The following TBC1D15 variants were observed in gnomAD, a reference collection of about 807,000 sequenced individuals.
TBC1D15 encodes the protein GAP for RAB7.
A neutral mutation model predicts 95.4 loss-of-function variants in TBC1D15; 39 were observed. The ratio of observed to expected loss-of-function variants is 0.41; its 90% CI spans 0.32 to 0.53. The LOEUF (loss-of-function observed/expected upper bound fraction) is 0.53. TBC1D15 is among the 20% of genes least tolerant of loss of function. The pLI, the probability that TBC1D15 is intolerant of heterozygous loss-of-function variation, is 0.29. For missense variants in TBC1D15, 733 were observed against 794.3 expected (o/e 0.92, Z 0.93); for synonymous variants, 258 against 261.3 (o/e 0.99, Z 0.12).
chr12:71,871,285 A>C (rs1172024567), intron 1 of TBC1D15, among the ~76,000 whole-genome samples: 1 of 152,134 alleles, frequency 6.6e-6, no homozygotes, highest in East Asian at 1.9e-4. Flanking sequence ...AGAAGCACTC[A>C]GTTAATATTG....
intron 1 of TBC1D15, among the ~76,000 whole-genome samples, chr12:71,846,160 T>C (rs1023197472): frequency 1.1e-4 from 17 of 152,214 alleles, no homozygotes; most frequent in Non-Finnish European, 2.5e-4. Context: ...TCACCAGAAC[T>C]CTTTTAATAA....
At chr12:71,878,241 T>G (rs1405619641) in intron 3 of TBC1D15, among the ~76,000 whole-genome samples, 2 of 150,544 alleles carry the variant, frequency 1.3e-5, no homozygotes, top group African/African-American at 4.9e-5. Context: ...TTGCTCATTG[T>G]GTTTGATTTT....
At chr12:71,916,811 A>C (rs1194656534) in intron 12 of TBC1D15, among the ~76,000 whole-genome samples, 3 of 152,108 alleles carry the variant, frequency 2.0e-5, no homozygotes, top group Non-Finnish European at 4.4e-5. Context: ...AGTTTCTTTA[A>C]AGCATATGAA....
At chr12:71,843,237 C>T (rs1003869147) in intron 1 of TBC1D15, among the ~76,000 whole-genome samples, 1 of 152,070 alleles carries the variant, frequency 6.6e-6, no homozygotes, top group Non-Finnish European at 1.5e-5. Context: ...GCCACTTGTT[C>T]AGACTGGGCG....
rs541217146 is a variant in TBC1D15 at position 71,911,101 on chromosome 12, A to G, written c.1301-2725A>G. Among the ~76,000 whole-genome samples the G allele has an allele frequency of 5.4e-3, 829 of 152,334 alleles. 9 individuals are homozygous for G. Among genetic ancestry groups the G allele is most frequent in the Non-Finnish European group, 5.7e-3 (391 of 68,028 alleles). On this transcript the variant is annotated intron_variant, in intron 11 of 16. Coordinates refer to ENST00000485960, the MANE Select transcript of TBC1D15 (RefSeq NM_001146213.3). ...CCATCTCACACCAGTTAGAATGGCA[A>G]TCACTAAAAAGTCAGGAAACAACAG...
chr12:71,873,371 A>G (rs1402326053), intron 3 of TBC1D15, among the ~76,000 whole-genome samples: 3 of 152,112 alleles, frequency 2.0e-5, no homozygotes, highest in South Asian at 4.1e-4. Flanking sequence ...TTCAAGGTTC[A>G]TCTGTGTTAC....
At chr12:71,908,853 G>A (rs1360533543) in intron 11 of TBC1D15, among the ~76,000 whole-genome samples, 1 of 152,138 alleles carries the variant, frequency 6.6e-6, no homozygotes, top group Non-Finnish European at 1.5e-5. Flanking sequence ...GGTCACACAA[G>A]TAAATAATTG....
chr12:71,862,096 A>G (rs1007581007), intron 1 of TBC1D15, among the ~76,000 whole-genome samples: 8 of 152,208 alleles, frequency 5.3e-5, no homozygotes, highest in Admixed American at 2.0e-4. Flanking sequence ...TTAGTGGTCT[A>G]ACATGTTCTG....
At chr12:71,917,856 A>C in intron 13 of TBC1D15, 59 bp downstream of exon 13, 1 of 1,172,426 alleles carries the variant, frequency 8.5e-7, no homozygotes, top group Admixed American at 1.8e-5. Context: ...ATAGAAAAAA[A>C]TGTAAAGAAC....
At chr12:71,859,164 GA>G (rs1889820688) in intron 1 of TBC1D15, among the ~76,000 whole-genome samples, 1 of 152,020 alleles carries the variant, frequency 6.6e-6, no homozygotes, top group African/African-American at 2.4e-5. Flanking sequence ...TGTAGATACA[GA>G]GTTTATTTGG....
intron 1 of TBC1D15, among the ~76,000 whole-genome samples, chr12:71,844,356 A>G (rs971913720): frequency 1.3e-5 from 2 of 152,096 alleles, no homozygotes; most frequent in African/African-American, 4.8e-5. Flanking sequence ...TTTGTTTCTA[A>G]ACTATTTAGA....
intron 1 of TBC1D15, among the ~76,000 whole-genome samples, chr12:71,870,856 A>G (rs1317913730): frequency 6.6e-6 from 1 of 152,184 alleles, no homozygotes; most frequent in East Asian, 1.9e-4. Flanking sequence ...TTAGCTAAAA[A>G]CAGGAAGATA....
intron 10 of TBC1D15, among the ~76,000 whole-genome samples, chr12:71,905,753 A>G (rs1299994541): frequency 1.3e-5 from 2 of 152,228 alleles, no homozygotes; most frequent in Non-Finnish European, 2.9e-5. Flanking sequence ...CAAATGTAGT[A>G]CATTTTAACA....
At chr12:71,914,892 A>T (rs1400032129) in intron 12 of TBC1D15, among the ~76,000 whole-genome samples, 1 of 151,966 alleles carries the variant, frequency 6.6e-6, no homozygotes. Context: ...TTTCTCCTTC[A>T]AATTTTCCCT....
At chr12:71,872,302 C>G in intron 2 of TBC1D15, 134 bp downstream of exon 2, 1 of 482,810 alleles carries the variant, frequency 2.1e-6, no homozygotes, top group Non-Finnish European at 3.7e-6. Context: ...AATTTAACAC[C>G]GAAATGATGT....
At chr12:71,894,202 C>T in intron 6 of TBC1D15, 1 of 766,542 alleles carries the variant, frequency 1.3e-6, no homozygotes, top group Non-Finnish European at 2.1e-6. Context: ...ATTTACTATT[C>T]ATATAATTAG....
Position 71,891,756 on chromosome 12 carries a change from T to C in TBC1D15, c.555-1466T>C, listed in dbSNP as rs1346790590. Among the ~76,000 whole-genome samples the C allele has an allele frequency of 2.0e-5, 3 of 152,120 alleles. 1 individual carries two copies. Among genetic ancestry groups the C allele is most frequent in the Non-Finnish European group, 4.4e-5 (3 of 67,980 alleles). ...CTTTTTAAAAAATATTTGTGGTTGC[T>C]TGTTGGTAAGGCAGTCATTTCATCT... is the stretch of plus-strand genomic sequence containing the variant. On this transcript the variant is annotated intron_variant, in intron 5 of 16. Transcript: ENST00000485960.
rs1870230280 is a variant in TBC1D15 at position 71,923,621 on chromosome 12, T to C, written c.*417T>C. 1 of 158,126 alleles carries C rather than the reference T, an allele frequency of 6.3e-6. No homozygotes were observed. Among genetic ancestry groups the C allele is most frequent in the African/African-American group, 2.4e-5 (1 of 41,516 alleles). The allele number at this position is 158,126 out of a possible 1,614,324, so 9.8% of individuals were successfully genotyped here. ...TGAGAAGTAGATTGTTACCCAGTAA[T>C]GAAATAAAAAATAAAAATAAAAGGA... On this transcript the variant is annotated 3_prime_UTR_variant, in exon 17 of 17. Transcript: ENST00000485960.
intron 1 of TBC1D15, among the ~76,000 whole-genome samples, chr12:71,866,600 T>C (rs1226509850): frequency 1.3e-5 from 2 of 152,210 alleles, no homozygotes; most frequent in Non-Finnish European, 2.9e-5. Flanking sequence ...TGATGCACTC[T>C]AGTGCTCTCC....
Sources: allele counts gnomAD v4.1 joint callset (sites outside exome capture counted in the v4.1 genomes callset), GRCh38; gene constraint gnomAD v4.1.1; transcripts MANE v1.5; gene names NCBI Gene and HGNC (gene_info 2026-07-23, HGNC 2026-07-21).